The following CDYL variants were observed in gnomAD, a reference collection of about 807,000 sequenced individuals.
The protein encoded by CDYL is chromodomain Y-like protein.
Under a neutral mutation model 47.3 loss-of-function variants are expected in CDYL, and 8 were observed. That is an observed-to-expected ratio of 0.17 (90% CI 0.10 to 0.31). CDYL has a LOEUF of 0.31. Among genes scored for constraint, CDYL ranks in the 10% least tolerant of loss-of-function variants. The probability of loss-of-function intolerance (pLI) is 1.00; values close to 1 mark genes in which losing one functional copy is unlikely to be tolerated. For missense variants in CDYL, 471 were observed against 701.4 expected, an observed-to-expected ratio of 0.67 and a Z score of 3.71; for synonymous variants, 266 against 265.0, an observed-to-expected ratio of 1.00 and a Z score of -0.04.
intron 2 of CDYL, among the ~76,000 whole-genome samples, chr6:4,719,264 C>A (rs889501238): frequency 3.9e-5 from 6 of 152,132 alleles, no homozygotes; most frequent in African/African-American, 9.7e-5. Context: ...TAATAAACAT[C>A]TTCATATGTA....
At position 4,952,371 on chromosome 6, in the gene CDYL, A is replaced by G; in HGVS notation, c.1438A>G (p.Met480Val). The G allele has an allele frequency of 6.2e-7, 1 of 1,614,172 alleles. No homozygotes were observed. The highest frequency in any genetic ancestry group is 1.3e-5 in the African/African-American group (1 of 75,040). The change falls in exon 6 of 7, where the codon ATG becomes GTG. Residue 480 changes from methionine to valine, a missense_variant. Around this residue, in one of 3 missense-constraint regions of CDYL, gnomAD observed 103 missense variants for 277.1 expected, o/e 0.37. Transcript: ENST00000397588. ...GCCCGGGACGTTCACTCAGGAAGTG[A>G]TGGTTCGCATTAAGGAGCTTGCCTC... ...FWPGTFTQEV[M>V]VRIKELASCN...
intron 2 of CDYL, among the ~76,000 whole-genome samples, chr6:4,929,651 G>C (rs547898143): frequency 6.6e-6 from 1 of 152,052 alleles, no homozygotes; most frequent in South Asian, 2.1e-4. Flanking sequence ...GTGCCTTCAG[G>C]TTCTCTGATC....
Position 4,853,506 on chromosome 6 carries a change from C to T in CDYL, c.25-38207C>T, listed in dbSNP as rs574284718. ...CTCTTCCTCCTTCTCCTTCTCATTCCCCTCCTCCTCCCTTCCTCTCCCATT... is the reference window on the plus strand; with the variant it reads ...CTCTTCCTCCTTCTCCTTCTCATTCTCCTCCTCCTCCCTTCCTCTCCCATT... On this transcript the variant is annotated intron_variant, in intron 1 of 6. Coordinates refer to ENST00000397588, the MANE Select transcript of CDYL (RefSeq NM_004824.4). 1.2e-3 allele frequency among the ~76,000 whole-genome samples: 175 copies of T among 152,132 alleles called. 1 individual carries two copies. Among genetic ancestry groups the T allele is most frequent in the African/African-American group, 4.0e-3 (168 of 41,504 alleles).
intron 1 of CDYL, among the ~76,000 whole-genome samples, chr6:4,844,047 C>T (rs1181650218): frequency 1.3e-5 from 2 of 152,100 alleles, no homozygotes; most frequent in Non-Finnish European, 2.9e-5. Flanking sequence ...CTCTCCCTTC[C>T]CCTGGGGATG....
intron 1 of CDYL, among the ~76,000 whole-genome samples, chr6:4,852,426 TTCC>T (rs1316155526): frequency 7.1e-6 from 1 of 140,088 alleles, no homozygotes. Context: ...TCTTCCTTCC[TTCC>T]TCCTTCCTTC....
intron 1 of CDYL, among the ~76,000 whole-genome samples, chr6:4,844,265 T>G (rs557993883): frequency 2.6e-4 from 39 of 152,318 alleles, no homozygotes; most frequent in Non-Finnish European, 4.4e-4. Flanking sequence ...TAGTTTTGTG[T>G]TGGTTGGCCT....
intron 1 of CDYL, among the ~76,000 whole-genome samples, chr6:4,786,429 T>C (rs1010483109): frequency 3.3e-5 from 5 of 152,190 alleles, no homozygotes; most frequent in Non-Finnish European, 7.4e-5. Context: ...AGACGGACTG[T>C]GTTACCTTCC....
chr6:4,818,860 G>A (rs1048869707), intron 1 of CDYL, among the ~76,000 whole-genome samples: 45 of 152,168 alleles, frequency 3.0e-4, no homozygotes, highest in African/African-American at 1.1e-3. Flanking sequence ...AGAGAGGCAC[G>A]AGGGCTTATT....
At chr6:4,823,097 T>C (rs574526741) in intron 1 of CDYL, among the ~76,000 whole-genome samples, 1 of 152,228 alleles carries the variant, frequency 6.6e-6, no homozygotes, top group Admixed American at 6.5e-5. Context: ...CTTAACAAAT[T>C]GTAACATTTT....
intron 2 of CDYL, among the ~76,000 whole-genome samples, chr6:4,931,865 A>G (rs1758041944): frequency 6.6e-6 from 1 of 152,242 alleles, no homozygotes; most frequent in Non-Finnish European, 1.5e-5. Flanking sequence ...GCGTGAGCCA[A>G]AATGAATCCA....
chr6:4,883,756 G>A (rs1476013456), intron 1 of CDYL, among the ~76,000 whole-genome samples: 2 of 152,162 alleles, frequency 1.3e-5, no homozygotes, highest in Non-Finnish European at 2.9e-5. Flanking sequence ...CACTTTCCAG[G>A]ACCAATGCAA....
intron 3 of CDYL, among the ~76,000 whole-genome samples, chr6:4,759,808 G>A (rs1445127450): frequency 1.4e-5 from 2 of 141,674 alleles, no homozygotes; most frequent in South Asian, 2.3e-4. Context: ...GAACCCAGGA[G>A]GTGGAGGTTG....
chr6:4,726,499 T>C (rs1159130111), intron 2 of CDYL, among the ~76,000 whole-genome samples: 1 of 138,436 alleles, frequency 7.2e-6, no homozygotes, highest in Non-Finnish European at 1.5e-5. Context: ...ACCATTGCAC[T>C]CCAGCCTAGG....
intron 1 of CDYL, among the ~76,000 whole-genome samples, chr6:4,884,904 T>C (rs1377962403): frequency 1.3e-5 from 2 of 152,220 alleles, no homozygotes; most frequent in African/African-American, 2.4e-5. Flanking sequence ...AGTCCCCGTT[T>C]ACCCTTTAAG....
chr6:4,924,636 A>G (rs1048594339), intron 2 of CDYL, among the ~76,000 whole-genome samples: 1 of 152,098 alleles, frequency 6.6e-6, no homozygotes. Flanking sequence ...ATTAAGTTGG[A>G]TGGTTTTATT....
chr6:4,846,088 G>A (rs1760647783), intron 1 of CDYL, among the ~76,000 whole-genome samples: 1 of 151,638 alleles, frequency 6.6e-6, no homozygotes, highest in African/African-American at 2.4e-5. Flanking sequence ...TAAATGAACA[G>A]TCATACTTTA....
chr6:4,950,214 C>T (rs1241710549), intron 5 of CDYL, among the ~76,000 whole-genome samples: 2 of 152,162 alleles, frequency 1.3e-5, no homozygotes, highest in African/African-American at 4.8e-5. Flanking sequence ...GACAGACAGC[C>T]AGGGCCCTGC....
chr6:4,728,459 A>G (rs992943180), intron 2 of CDYL, among the ~76,000 whole-genome samples: 4 of 152,160 alleles, frequency 2.6e-5, no homozygotes, highest in Non-Finnish European at 1.5e-5. Context: ...GCTTGCTTCT[A>G]GAACATTTCC....
At chr6:4,888,492 T>C (rs775912916) in intron 1 of CDYL, among the ~76,000 whole-genome samples, 3 of 152,206 alleles carry the variant, frequency 2.0e-5, no homozygotes, top group Non-Finnish European at 4.4e-5. Flanking sequence ...ATGTTCCCTC[T>C]TTAATTCCTG....
Sources: allele counts gnomAD v4.1 joint callset (sites outside exome capture counted in the v4.1 genomes callset), GRCh38; gene constraint gnomAD v4.1.1; regional missense constraint gnomAD v4.1.1; transcripts MANE v1.5; gene names NCBI Gene and HGNC (gene_info 2026-07-23, HGNC 2026-07-21).